EPB41L4A: variants seen among roughly 807,000 people sequenced by gnomAD.
EPB41L4A encodes the protein erythrocyte membrane protein band 4.1 like 4A.
Under a neutral mutation model 108.6 loss-of-function variants are expected in EPB41L4A, and 100 were observed. The observed-to-expected ratio is 0.92, with a 90% CI of 0.78 to 1.09. The LOEUF (loss-of-function observed/expected upper bound fraction) is 1.09. Ranked by LOEUF, EPB41L4A falls within the 50% of genes least tolerant of loss-of-function variation. The pLI is 0.00. For missense variants in EPB41L4A, 1,030 were observed against 842.7 expected, an observed-to-expected ratio of 1.22 and a Z score of -2.75; for synonymous variants, 319 against 289.0, an observed-to-expected ratio of 1.10 and a Z score of -1.05.
chr5:112,203,015 CAACAT>C (rs1216267180), intron 15 of EPB41L4A, among the ~76,000 whole-genome samples: 6 of 151,824 alleles, frequency 4.0e-5, no homozygotes, highest in African/African-American at 1.5e-4. Flanking sequence ...CCAGCCTGGG[CAACAT>C]AACAAGTGAG....
rs144673051 is a variant in EPB41L4A, at chr5:112,147,658, T to C, written n.995-1660A>G. 9.1e-3 allele frequency among the ~76,000 whole-genome samples: 1,312 copies of C among 144,836 alleles called. 19 individuals carry two copies. The highest frequency in any genetic ancestry group is 0.031 in the African/African-American group (1,234 of 39,188). On this transcript the variant is annotated intron_variant and non_coding_transcript_variant, in intron 12 of 13. Coordinates refer to the EPB41L4A transcript ENST00000507810. ...GTCTCAAGAAAAAAAAAAAAAAGAT[T>C]AGCAAATCCATAATGAAAATTCCAT...
chr5:112,311,082 G>A (rs1240554913), intron 1 of EPB41L4A, among the ~76,000 whole-genome samples: 3 of 152,048 alleles, frequency 2.0e-5, no homozygotes, highest in African/African-American at 4.8e-5. Context: ...TGTGATCTTG[G>A]CTCACTGCAA....
chr5:112,272,485 T>C (rs757820589), intron 4 of EPB41L4A, among the ~76,000 whole-genome samples: 12 of 151,480 alleles, frequency 7.9e-5, no homozygotes, highest in African/African-American at 1.2e-4. Flanking sequence ...CCAAAGCATA[T>C]AGTTAATTAT....
intron 3 of EPB41L4A, among the ~76,000 whole-genome samples, chr5:112,279,112 C>T (rs1752796715): frequency 6.7e-6 from 1 of 149,634 alleles, no homozygotes; most frequent in Non-Finnish European, 1.5e-5. Flanking sequence ...TTCTGGTTTT[C>T]CAACTGGTAT....
At chr5:112,389,471 T>C (rs1760785638) in intron 1 of EPB41L4A, among the ~76,000 whole-genome samples, 1 of 152,164 alleles carries the variant, frequency 6.6e-6, no homozygotes, top group Non-Finnish European at 1.5e-5. Context: ...AACGGCCAAT[T>C]TCTCAAATAG....
At chr5:112,277,967 C>T (rs1288381316) in intron 3 of EPB41L4A, among the ~76,000 whole-genome samples, 3 of 152,094 alleles carry the variant, frequency 2.0e-5, no homozygotes, top group African/African-American at 7.2e-5. Context: ...AATACAGAAG[C>T]CAAAAACTGG....
rs946537686 is a variant in EPB41L4A at position 112,169,008 on chromosome 5, G to A, written c.1837C>T (p.Leu613Phe). ...CTGCCCACTTACTTCACTTCCGAGA[G>A]AACTGATCGCTCCCCATCTGAACAC... ...SQCSDGERSV[L>F]SEVNSKTDLV... The change falls in exon 21 of 23, where the codon CTC (leucine) becomes TTC (phenylalanine). Residue 613 changes from leucine (L) to phenylalanine (F), a missense_variant. Physicochemically the swap from Leu to Phe is conservative, Grantham distance 22. Coordinates refer to ENST00000261486, the MANE Select transcript of EPB41L4A (RefSeq NM_022140.5). 1.2e-6 allele frequency: 2 copies of A among 1,613,230 alleles called. No homozygotes were observed. Among genetic ancestry groups the A allele is most frequent in the African/African-American group, 1.3e-5 (1 of 74,900 alleles).
chr5:112,369,705 C>A (rs1407777465), intron 1 of EPB41L4A, among the ~76,000 whole-genome samples: 1 of 152,166 alleles, frequency 6.6e-6, no homozygotes, highest in African/African-American at 2.4e-5. Flanking sequence ...GCAGGAGGAA[C>A]TTGGTGAGGG....
intron 1 of EPB41L4A, among the ~76,000 whole-genome samples, chr5:112,411,349 G>C (rs1053609139): frequency 3.3e-5 from 5 of 152,064 alleles, no homozygotes; most frequent in Admixed American, 2.0e-4. Flanking sequence ...AAATATATAT[G>C]AATATCAAAT....
intron 2 of EPB41L4A, among the ~76,000 whole-genome samples, chr5:112,296,891 G>A (rs747887557): frequency 2.0e-5 from 3 of 151,982 alleles, no homozygotes; most frequent in Non-Finnish European, 4.4e-5. Context: ...ACTTCACTTA[G>A]AATAATAGTC....
chr5:112,386,471 T>A (rs542723918), intron 1 of EPB41L4A, among the ~76,000 whole-genome samples: 47 of 152,302 alleles, frequency 3.1e-4, no homozygotes, highest in African/African-American at 1.0e-3. Flanking sequence ...TTCCTCTACA[T>A]GGCCCAATAC....
chr5:112,339,285 G>C (rs1231783532), intron 1 of EPB41L4A, among the ~76,000 whole-genome samples: 1 of 151,826 alleles, frequency 6.6e-6, no homozygotes, highest in Admixed American at 6.6e-5. Context: ...TCCTTGACAA[G>C]GTCAGTCAAG....
chr5:112,333,542 C>A (rs1756715631), intron 1 of EPB41L4A, among the ~76,000 whole-genome samples: 2 of 152,164 alleles, frequency 1.3e-5, no homozygotes, highest in African/African-American at 4.8e-5. Flanking sequence ...AGCCCCTATT[C>A]TCAGAAATGG....
intron 1 of EPB41L4A, among the ~76,000 whole-genome samples, chr5:112,360,793 G>A (rs1395831061): frequency 2.0e-5 from 3 of 151,870 alleles, no homozygotes; most frequent in East Asian, 1.9e-4. Context: ...AGTGAAGAGC[G>A]TCTCTGCCCG....
At chr5:112,282,485 T>G (rs1384414550) in intron 2 of EPB41L4A, among the ~76,000 whole-genome samples, 2 of 152,238 alleles carry the variant, frequency 1.3e-5, no homozygotes, top group Non-Finnish European at 2.9e-5. Context: ...AACACCTGTT[T>G]ATTATCTCAG....
intron 2 of EPB41L4A, among the ~76,000 whole-genome samples, chr5:112,283,039 AC>A (rs1483978072): frequency 2.0e-5 from 3 of 152,242 alleles, no homozygotes; most frequent in Non-Finnish European, 4.4e-5. Flanking sequence ...CAAAAATTTT[AC>A]ATTAATGATA....
At chr5:112,248,416 C>T (rs1357234041) in intron 9 of EPB41L4A, among the ~76,000 whole-genome samples, 1 of 152,178 alleles carries the variant, frequency 6.6e-6, no homozygotes, top group Non-Finnish European at 1.5e-5. Flanking sequence ...CCAATGCTTG[C>T]TTTTTGTAAA....
chr5:112,159,979 G>A (rs1200996202), downstream of EPB41L4A, among the ~76,000 whole-genome samples: 1 of 142,408 alleles, frequency 7.0e-6, no homozygotes. Flanking sequence ...TCGGCTCACC[G>A]CAACCTCCAC....
intron 1 of EPB41L4A, among the ~76,000 whole-genome samples, chr5:112,308,481 A>G (rs971943325): frequency 6.6e-6 from 1 of 152,230 alleles, no homozygotes; most frequent in African/African-American, 2.4e-5. Context: ...ATAAAAGTAC[A>G]CACCAGGGTG....
Sources: allele counts gnomAD v4.1 joint callset (sites outside exome capture counted in the v4.1 genomes callset), GRCh38; gene constraint gnomAD v4.1.1; transcripts MANE v1.5; gene names NCBI Gene and HGNC (gene_info 2026-07-23, HGNC 2026-07-21).